GLB1: variants seen among roughly 807,000 people sequenced by gnomAD.
GLB1 encodes the protein beta-galactosidase.
In GLB1, 56 loss-of-function variants were observed where a neutral mutation model predicts 74.0. The ratio of observed to expected loss-of-function variants is 0.76; its 90% confidence interval spans 0.61 to 0.94. The LOEUF (loss-of-function observed/expected upper bound fraction) is 0.94, where lower values mean the gene tolerates loss of function less well. Ranked by LOEUF, GLB1 falls within the 40% of genes least tolerant of loss-of-function variation. GLB1 has a pLI of 0.00. For synonymous variants in GLB1, 323 were observed against 323.6 expected, an observed-to-expected ratio of 1.00 and a Z score of 0.02; for missense variants, 787 against 845.5, an observed-to-expected ratio of 0.93 and a Z score of 0.86.
At chr3:33,045,614 A>C in intron 10 of GLB1, 3 of 990,482 alleles carry the variant, frequency 3.0e-6, no homozygotes, top group Non-Finnish European at 3.6e-6. Context: ...GCATTAAATA[A>C]AGAAACCAGA....
the GLB1 span, among the ~76,000 whole-genome samples, chr3:32,984,965 T>C: frequency 6.7e-6 from 1 of 149,358 alleles, no homozygotes; most frequent in African/African-American, 2.5e-5. Context: ...ATTAGCCTGG[T>C]GTAGTGGCCT....
Position 33,093,753 on chromosome 3 carries a change from C to T in GLB1, c.75+3258G>A, listed in dbSNP as rs113646598. ...AAGGCTGCCCACGACCCTACCACTG[C>T]GCCAGGCCAAGAGCTGGTAGGCCTG... On this transcript the variant is annotated intron_variant, in intron 1 of 15. Transcript: ENST00000307363. This position sits in a 1 kb window ranked among gnomAD's most constrained non-coding sequence, Gnocchi z 6.0. 4.0e-5 allele frequency: 64 copies of T among 1,613,736 alleles called. No individual in the cohort carries two copies. The East Asian group carries it at 5.8e-4, about 15-fold the overall frequency.
chr3:33,031,537 G>A (rs1339903475), intron 10 of GLB1, among the ~76,000 whole-genome samples: 3 of 144,022 alleles, frequency 2.1e-5, no homozygotes, highest in South Asian at 4.5e-4. Context: ...CCAGCTACTC[G>A]GGAGGCTGAG....
the GLB1 span, among the ~76,000 whole-genome samples, chr3:32,972,552 C>A: frequency 6.6e-6 from 1 of 152,090 alleles, no homozygotes; most frequent in East Asian, 1.9e-4. Flanking sequence ...TCCTCCCTTG[C>A]CTTTTACCCC....
rs553230010 is a variant in GLB1, at chr3:33,065,813, C to G, written c.458-256G>C. 5.9e-5 allele frequency among the ~76,000 whole-genome samples: 9 copies of G among 151,904 alleles called. No homozygotes were observed. The East Asian group carries it at 1.5e-3, about 26-fold the overall frequency. ...AGAAACCCCATCTCTACTAAAAATG[C>G]AAAATTAGCCAGGCTTGGTGGCGCA... is the stretch of plus-strand genomic sequence containing the variant. On this transcript the variant is annotated intron_variant, in intron 4 of 15. Coordinates refer to ENST00000307363, the MANE Select transcript of GLB1 (RefSeq NM_000404.4).
chr3:33,001,079 C>T (rs1474827694), intron 15 of GLB1, among the ~76,000 whole-genome samples: 1 of 151,632 alleles, frequency 6.6e-6, no homozygotes, highest in Non-Finnish European at 1.5e-5. Flanking sequence ...CTGCCGCACT[C>T]CCCCTTGCTC....
At chr3:33,080,326 G>A (rs746612457) in intron 1 of GLB1, among the ~76,000 whole-genome samples, 117 of 152,052 alleles carry the variant, frequency 7.7e-4, no homozygotes, top group Non-Finnish European at 1.4e-3. Context: ...GTAATCCGCC[G>A]CCTCGGCTTC....
intron 14 of GLB1, among the ~76,000 whole-genome samples, 165 bp downstream of exon 14, chr3:33,016,544 G>A (rs1056382443): frequency 3.3e-5 from 5 of 152,074 alleles, no homozygotes; most frequent in Non-Finnish European, 7.4e-5. Flanking sequence ...CTTTGTAGAG[G>A]TCTCACTATT....
intron 15 of GLB1, among the ~76,000 whole-genome samples, chr3:33,004,156 G>A (rs576788029): frequency 4.6e-5 from 7 of 152,320 alleles, no homozygotes; most frequent in Admixed American, 1.3e-4. Context: ...GGAGCCTTGC[G>A]CATTTGCATT....
rs1286766341 is a variant in GLB1, at chr3:33,096,524, G to A, written c.75+487C>T. The A allele has an allele frequency of 4.1e-6, 4 of 985,230 alleles. No individual in the cohort carries two copies. The African/African-American group carries it at 5.2e-5, about 13-fold the overall frequency. The allele number at this position is 985,230 out of a possible 1,614,324, so 61.0% of individuals were successfully genotyped here. On this transcript the variant is annotated intron_variant, in intron 1 of 15. Transcript: ENST00000307363. ...GGAACAAGATGCACGAAGAGGGAGA[G>A]CACCCAGAGGGGAAATAACCCAATG...
At chr3:33,016,649 G>A in intron 14 of GLB1, 60 bp downstream of exon 14, 1 of 1,607,590 alleles carries the variant, frequency 6.2e-7, no homozygotes, top group East Asian at 2.2e-5. Context: ...ACTGTACTGG[G>A]CTTCAACTTC....
At chr3:32,970,007 T>C in the GLB1 span, among the ~76,000 whole-genome samples, 1 of 152,186 alleles carries the variant, frequency 6.6e-6, no homozygotes. Context: ...ATTTGCACCT[T>C]TTCAGGATAG....
chr3:33,096,899 G>C, intron 1 of GLB1, 112 bp downstream of exon 1: 8 of 1,504,702 alleles, frequency 5.3e-6, no homozygotes, highest in Non-Finnish European at 6.2e-6. Context: ...GGGGCACTTC[G>C]GGGCTCAGGC....
the GLB1 span, among the ~76,000 whole-genome samples, chr3:32,986,621 C>T: frequency 6.7e-6 from 1 of 148,930 alleles, no homozygotes; most frequent in Non-Finnish European, 1.5e-5. Flanking sequence ...GATGGAGTCT[C>T]GCTCTGTCTC....
At chr3:33,032,059 A>C (rs62253974) in intron 10 of GLB1, among the ~76,000 whole-genome samples, 6 of 151,942 alleles carry the variant, frequency 3.9e-5, no homozygotes, top group Non-Finnish European at 7.4e-5. Context: ...CGGCCTCCCA[A>C]AGTGCTGGGA....
At chr3:33,033,569 G>C (rs1327702431) in intron 10 of GLB1, among the ~76,000 whole-genome samples, 1 of 152,130 alleles carries the variant, frequency 6.6e-6, no homozygotes, top group Non-Finnish European at 1.5e-5. Context: ...GATCACTTGA[G>C]GTCAAGAGTT....
rs541291417 is a variant in GLB1 at position 33,040,452 on chromosome 3, T to A, written c.1068+5668A>T. Among the ~76,000 whole-genome samples, 718 of 149,334 alleles carry A rather than the reference T, an allele frequency of 4.8e-3. 7 individuals carry two copies. The highest frequency in any genetic ancestry group is 0.016 in the African/African-American group (654 of 40,936). ...AGACCCTGGCTCTACAAAAAAAAAA[T>A]AAAAAATAAATTAGCTAGGCATGGT... is the stretch of plus-strand genomic sequence containing the variant. On this transcript the variant is annotated intron_variant, in intron 10 of 15. Transcript: ENST00000307363.
At chr3:33,040,862 T>C (rs1432661771) in intron 10 of GLB1, among the ~76,000 whole-genome samples, 1 of 152,284 alleles carries the variant, frequency 6.6e-6, no homozygotes, top group South Asian at 2.1e-4. Flanking sequence ...AATTTAAAAA[T>C]GGCTGAGTAA....
intron 1 of GLB1, among the ~76,000 whole-genome samples, chr3:33,095,436 GA>G (rs1480420945): frequency 2.0e-5 from 3 of 152,274 alleles, no homozygotes; most frequent in African/African-American, 7.2e-5. Flanking sequence ...TGAGGCAGGA[GA>G]ATGGCGTGAA....
Sources: gnomAD v4.1 joint callset for allele counts (sites outside exome capture counted in the v4.1 genomes callset) on GRCh38, gnomAD v4.1.1 for gene constraint, Gnocchi (gnomAD v3.1) non-coding constraint, MANE v1.5 for transcripts, NCBI Gene and HGNC (gene_info 2026-07-23, HGNC 2026-07-21) for gene names.